SRGAP3: variants seen among roughly 807,000 people sequenced by gnomAD.
SRGAP3 encodes the protein SLIT-ROBO Rho GTPase activating protein 3, also known as SLIT-ROBO Rho GTPase-activating protein 3.
A neutral mutation model predicts 121.1 loss-of-function variants in SRGAP3; 39 were observed. That is an observed-to-expected ratio of 0.32 (90% CI 0.25 to 0.42). SRGAP3 has a LOEUF of 0.42. SRGAP3 is among the 10% of genes least tolerant of loss of function. SRGAP3 has a pLI of 1.00. For synonymous variants in SRGAP3, 601 were observed against 570.0 expected, an observed-to-expected ratio of 1.05 and a Z score of -0.77; for missense variants, 1,213 against 1,470.6, an observed-to-expected ratio of 0.82 and a Z score of 2.86.
chr3:9,110,136 G>T (rs1186531527), intron 2 of SRGAP3, among the ~76,000 whole-genome samples: 5 of 152,202 alleles, frequency 3.3e-5, no homozygotes, highest in Non-Finnish European at 7.3e-5. Context: ...GAAAGGCTTA[G>T]GTAGGAAATT....
At chr3:9,120,530 T>G (rs1948964653) in intron 2 of SRGAP3, among the ~76,000 whole-genome samples, 2 of 152,204 alleles carry the variant, frequency 1.3e-5, no homozygotes, top group South Asian at 4.1e-4. Flanking sequence ...ACAAATGAAG[T>G]CCCACATGGC....
chr3:9,088,321 G>C (rs1484918836), intron 3 of SRGAP3, among the ~76,000 whole-genome samples: 1 of 152,176 alleles, frequency 6.6e-6, no homozygotes, highest in Non-Finnish European at 1.5e-5. Context: ...GGCTCCTCCA[G>C]ATTGACGGAG....
chr3:9,275,593 A>G (rs1052623077), intron 3 of SRGAP3, among the ~76,000 whole-genome samples: 18 of 152,154 alleles, frequency 1.2e-4, no homozygotes, highest in African/African-American at 4.3e-4. Flanking sequence ...TTTCCCCCAT[A>G]CTGTCCTCCT....
chr3:9,216,787 G>T (rs907651550), intron 1 of SRGAP3: 1 of 152,456 alleles, frequency 6.6e-6, no homozygotes, highest in Non-Finnish European at 1.5e-5. Context: ...AGGAGCGGAT[G>T]AACGTGATGC....
intron 3 of SRGAP3, chr3:9,293,035 AG>A (rs1185631413): frequency 6.9e-6 from 1 of 145,352 alleles, no homozygotes; most frequent in Non-Finnish European, 1.5e-5. Flanking sequence ...AAAGAAAGAA[AG>A]AAAAAAGAAA....
At chr3:9,073,484 A>G (rs941972759) in intron 4 of SRGAP3, among the ~76,000 whole-genome samples, 1 of 152,178 alleles carries the variant, frequency 6.6e-6, no homozygotes, top group African/African-American at 2.4e-5. Context: ...AGTTTAATGT[A>G]TTTATATCAC....
chr3:9,350,569 G>T (rs1011455450), intron 1 of SRGAP3, among the ~76,000 whole-genome samples: 2 of 152,244 alleles, frequency 1.3e-5, no homozygotes, highest in African/African-American at 4.8e-5. Flanking sequence ...AGTCTGAGTT[G>T]TAACTATGTT....
chr3:9,239,568 C>T lies in SRGAP3; in HGVS notation c.67+9317G>A, dbSNP rs945533517. Among the ~76,000 whole-genome samples, 1 of 152,172 alleles carries T rather than the reference C, an allele frequency of 6.6e-6. No individual in the cohort carries two copies. The highest frequency in any genetic ancestry group is 2.4e-5 in the African/African-American group (1 of 41,416). On this transcript the variant is annotated intron_variant, in intron 1 of 21. Coordinates refer to ENST00000383836, the MANE Select transcript of SRGAP3 (RefSeq NM_014850.4). This position sits in a 1 kb window ranked among gnomAD's most constrained non-coding sequence, Gnocchi z 4.0. ...GGCTATGCAATCCCAGGGGGAAGAG[C>T]CAGGTCCATTCAAGGAACCTGGAAC...
At chr3:9,019,357 T>C (rs1376091536) in intron 14 of SRGAP3, among the ~76,000 whole-genome samples, 1 of 152,248 alleles carries the variant, frequency 6.6e-6, no homozygotes, top group Admixed American at 6.5e-5. Context: ...TCCACAGCCC[T>C]GCCCCTGGCA....
chr3:9,192,293 T>C (rs915332093), intron 1 of SRGAP3, among the ~76,000 whole-genome samples: 4 of 152,236 alleles, frequency 2.6e-5, no homozygotes, highest in Admixed American at 2.6e-4. Context: ...CCACCCCACA[T>C]AGTTTATGCT....
Position 9,132,009 on chromosome 3 carries a change from A to G in SRGAP3, c.68-7092T>C, listed in dbSNP as rs551034141. ...CCGTGTGACCCACCGTATGGAGAGC[A>G]AGATTCCTCATACTCCCCACTGCTC... On this transcript the variant is annotated intron_variant, in intron 1 of 21. Transcript: ENST00000383836. Among the ~76,000 whole-genome samples, 367 of 152,280 alleles carry G rather than the reference A, an allele frequency of 2.4e-3. 3 individuals are homozygous for G. Among genetic ancestry groups the G allele is most frequent in the African/African-American group, 8.2e-3 (342 of 41,556 alleles).
chr3:9,060,428 C>CCTT, intron 5 of SRGAP3, 69 bp from the exon 6 acceptor site: 2 of 1,175,390 alleles, frequency 1.7e-6, no homozygotes, highest in Non-Finnish European at 2.2e-6. Context: ...TTTTCTATTC[C>CCTT]TTTTTTTTTT....
In SRGAP3 at chr3:8,985,495, C is replaced by G. The variant is rs368794309; in HGVS notation, c.*24G>C. The G allele has an allele frequency of 1.3e-6, 2 of 1,597,558 alleles. No homozygotes were observed. The highest frequency in any genetic ancestry group is 3.3e-5 in the Admixed American group (2 of 59,884). On this transcript the variant is annotated 3_prime_UTR_variant, in exon 22 of 22. Transcript: ENST00000383836. The surrounding 1 kb of genome is among the most constrained non-coding windows in gnomAD (Gnocchi z 5.1). ...GGCCGTGGTGAGCCACAGCGGGCCACGGCGGCGCGGCCCATCCTGCAGGTC... is the reference window on the plus strand; with the variant it reads ...GGCCGTGGTGAGCCACAGCGGGCCAGGGCGGCGCGGCCCATCCTGCAGGTC...
rs766750795 is a variant in SRGAP3 at position 8,985,593 on chromosome 3, C to T, written c.3226G>A (p.Val1076Met). The T allele has an allele frequency of 7.5e-6, 12 of 1,597,654 alleles. No homozygotes were observed. Among genetic ancestry groups the T allele is most frequent in the Middle Eastern group, 1.7e-4 (1 of 5,996 alleles). Residue 1076 changes from valine (V) to methionine (M), a missense_variant, in exon 22 of 22, where the codon GTG becomes ATG. Physicochemically the swap from Val to Met is conservative, Grantham distance 21. This residue lies in a region of SRGAP3 where 420 missense variants were observed against 437.7 expected (regional missense o/e 0.96). Transcript: ENST00000383836. This position sits in a 1 kb window ranked among gnomAD's most constrained non-coding sequence, Gnocchi z 5.1. ...GTGGGCGTCACGGCCGGGCTGCCCA[C>T]GCCCGAGCTGCTGCTGCTGCTGGAC... is the stretch of plus-strand genomic sequence containing the variant. ...HRSSSSSSSG[V>M]GSPAVTPTEK...
In SRGAP3 at chr3:9,142,408, T is replaced by C. The variant is rs1949885088; in HGVS notation, c.68-17491A>G. On this transcript the variant is annotated intron_variant, in intron 1 of 21. Coordinates refer to ENST00000383836, the MANE Select transcript of SRGAP3 (RefSeq NM_014850.4). ...TTTGTAGACACATCTCCCAATGTCGTAGCAAATTTCAATAGTCAGGCTGGA... is the reference window on the plus strand; with the variant it reads ...TTTGTAGACACATCTCCCAATGTCGCAGCAAATTTCAATAGTCAGGCTGGA... 2.6e-5 allele frequency among the ~76,000 whole-genome samples: 4 copies of C among 152,216 alleles called. No individual in the cohort carries two copies. The South Asian group carries it at 8.3e-4, about 31-fold the overall frequency.
intron 14 of SRGAP3, among the ~76,000 whole-genome samples, chr3:9,016,940 ATACT>A (rs997929860): frequency 2.6e-5 from 4 of 152,160 alleles, no homozygotes; most frequent in African/African-American, 9.7e-5. Flanking sequence ...ATTTTTTAGA[ATACT>A]TAAATTGTCC....
At chr3:9,191,813 T>C (rs899732113) in intron 1 of SRGAP3, among the ~76,000 whole-genome samples, 6 of 152,194 alleles carry the variant, frequency 3.9e-5, no homozygotes, top group Admixed American at 1.3e-4. Context: ...ATTAGCACCA[T>C]CCCCCTTGGT....
intron 3 of SRGAP3, among the ~76,000 whole-genome samples, chr3:9,288,020 C>T (rs147115225): frequency 6.6e-6 from 1 of 152,070 alleles, no homozygotes; most frequent in African/African-American, 2.4e-5. Context: ...TTCTTAACCA[C>T]TACCTGTTCA....
At chr3:9,023,995 T>A (rs1411446864) in intron 14 of SRGAP3, among the ~76,000 whole-genome samples, 1 of 152,300 alleles carries the variant, frequency 6.6e-6, no homozygotes, top group East Asian at 1.9e-4. Context: ...CAGGATGGAA[T>A]GGAGATGACC....
Sources: gnomAD v4.1 joint callset for allele counts (sites outside exome capture counted in the v4.1 genomes callset) on GRCh38, gnomAD v4.1.1 for gene constraint, gnomAD v4.1.1 regional missense constraint, Gnocchi (gnomAD v3.1) non-coding constraint, MANE v1.5 for transcripts, NCBI Gene and HGNC (gene_info 2026-07-23, HGNC 2026-07-21) for gene names.